The following EP300 variants were observed in gnomAD, a reference collection of about 807,000 sequenced individuals.
EP300 encodes histone acetyltransferase p300.
In EP300, 31 loss-of-function variants were observed where a neutral mutation model predicts 264.0. That is an observed-to-expected ratio of 0.12 (90% CI 0.09 to 0.16). The LOEUF is 0.16. Among genes scored for constraint, EP300 ranks in the 10% least tolerant of loss-of-function variants. The pLI is 1.00. For missense variants in EP300, 2,766 were observed against 3,052.9 expected, an observed-to-expected ratio of 0.91 and a Z score of 2.21; for synonymous variants, 1,340 against 1,045.4, an observed-to-expected ratio of 1.28 and a Z score of -5.44.
intron 1 of EP300, among the ~76,000 whole-genome samples, chr22:41,113,608 G>T (rs137892810): frequency 6.6e-6 from 1 of 152,018 alleles, no homozygotes; most frequent in Non-Finnish European, 1.5e-5. Context: ...GTGAAGTGGC[G>T]TGATCTCGGC....
At chr22:41,160,449 C>CA in intron 19 of EP300, 193 bp from the exon 20 acceptor site, 1 of 397,596 alleles carries the variant, frequency 2.5e-6, no homozygotes, top group South Asian at 3.9e-5. Context: ...AACAAAAAAA[C>CA]AAACAAAAAA....
chr22:41,112,357 T>A (rs2058797048), intron 1 of EP300, among the ~76,000 whole-genome samples: 1 of 151,966 alleles, frequency 6.6e-6, no homozygotes, highest in South Asian at 2.1e-4. Context: ...ACCCAGCTAA[T>A]TTTTTGTTTT....
intron 11 of EP300, among the ~76,000 whole-genome samples, chr22:41,147,371 T>C (rs1166768816): frequency 6.6e-6 from 1 of 151,416 alleles, no homozygotes; most frequent in Non-Finnish European, 1.5e-5. Flanking sequence ...TAGTTGATAA[T>C]GTCTGTTTAC....
At chr22:41,104,279 A>T (rs1199957374) in intron 1 of EP300, among the ~76,000 whole-genome samples, 1 of 151,540 alleles carries the variant, frequency 6.6e-6, no homozygotes, top group Admixed American at 6.6e-5. Flanking sequence ...TAGTGTCTTC[A>T]TCATGTAGTT....
chr22:41,096,347 C>T (rs1390358636), intron 1 of EP300, among the ~76,000 whole-genome samples: 1 of 152,156 alleles, frequency 6.6e-6, no homozygotes, highest in Admixed American at 6.6e-5. Context: ...TTTGTCACTG[C>T]TTGGTAAACG....
At chr22:41,095,848 GAAAGA>G (rs1014734255) in intron 1 of EP300, among the ~76,000 whole-genome samples, 10 of 151,920 alleles carry the variant, frequency 6.6e-5, no homozygotes, top group African/African-American at 2.2e-4. Flanking sequence ...AGCTTTAAAG[GAAAGA>G]AAACTGGAAT....
intron 5 of EP300, 78 bp from the exon 6 acceptor site, chr22:41,131,310 G>A (rs2058917781): frequency 1.4e-6 from 2 of 1,454,666 alleles, no homozygotes; most frequent in African/African-American, 1.4e-5. Context: ...TAATTTTGTG[G>A]GGTTTTTTAT....
intron 1 of EP300, among the ~76,000 whole-genome samples, chr22:41,104,307 T>TC (rs1160245073): frequency 6.6e-6 from 1 of 152,152 alleles, no homozygotes; most frequent in Non-Finnish European, 1.5e-5. Flanking sequence ...TTTTTTTTTT[T>TC]CATACAGAGT....
chr22:41,150,266 C>T (rs1224972488), intron 14 of EP300, 68 bp downstream of exon 14: 1 of 1,480,308 alleles, frequency 6.8e-7, no homozygotes, highest in African/African-American at 1.4e-5. Flanking sequence ...ACTTCTGGGC[C>T]ATTTCCATTC....
At chr22:41,107,458 A>G (rs929552966) in intron 1 of EP300, among the ~76,000 whole-genome samples, 25 of 151,904 alleles carry the variant, frequency 1.6e-4, no homozygotes, top group Admixed American at 9.8e-4. Context: ...AGAGATACTA[A>G]TATAGTAGAA....
rs769372729 is a variant in EP300, at chr22:41,177,930, C to T, written c.6219C>T (p.Ile2073=). 3.7e-6 allele frequency: 6 copies of T among 1,614,046 alleles called. No individual in the cohort carries two copies. In the African/African-American group the frequency reaches 5.3e-5, roughly 14 times the overall value. Residue 2073 remains isoleucine, a synonymous_variant, in exon 31 of 31, where the codon ATC becomes ATT. Coordinates refer to ENST00000263253, the MANE Select transcript of EP300 (RefSeq NM_001429.4). The part of the protein sequence containing the change: ...SPLQQQQVLS[I]LHANPQLLAA... Reference sequence around the variant, plus strand: ...TGCAGCAGCAACAGGTGCTTAGTATCCTTCACGCCAACCCCCAGCTGTTGG... The same window carrying T: ...TGCAGCAGCAACAGGTGCTTAGTATTCTTCACGCCAACCCCCAGCTGTTGG...
chr22:41,145,987 G>A (rs768230653), intron 10 of EP300, among the ~76,000 whole-genome samples: 18 of 152,026 alleles, frequency 1.2e-4, no homozygotes, highest in Non-Finnish European at 2.1e-4. Flanking sequence ...GGTATAATAT[G>A]CATATTATTT....
rs747155745 is a variant in EP300, at chr22:41,178,830, T to G, written c.7119T>G (p.Leu2373=). ...HFASPDQNSM[L]SQLASNPGMA... is the part of the protein sequence containing the mutation. The stretch of plus-strand genomic sequence containing the variant: ...CCAGCCCGGACCAGAATTCAATGCT[T>G]TCTCAGCTTGCTAGCAATCCAGGCA... The change falls in exon 31 of 31, where the codon CTT becomes CTG. Residue 2373 remains leucine, a synonymous_variant. Coordinates refer to ENST00000263253, the MANE Select transcript of EP300 (RefSeq NM_001429.4). 6.2e-7 allele frequency: 1 copy of G among 1,614,042 alleles called. No individual in the cohort carries two copies. The highest frequency in any genetic ancestry group is 2.2e-5 in the East Asian group (1 of 44,894).
chr22:41,137,289 A>G (rs1174869323), intron 7 of EP300, among the ~76,000 whole-genome samples: 1 of 148,938 alleles, frequency 6.7e-6, no homozygotes, highest in African/African-American at 2.5e-5. Flanking sequence ...CCCAGAAGGC[A>G]GAGATTGCAG....
chr22:41,179,801 G>A lies in EP300; in HGVS notation c.*845G>A. The A allele has an allele frequency of 4.3e-6, 1 of 229,970 alleles. No homozygotes were observed. Among genetic ancestry groups the A allele is most frequent in the Non-Finnish European group, 8.6e-6 (1 of 116,078 alleles). The allele number at this position is 229,970 out of a possible 1,614,324, so 14.2% of individuals were successfully genotyped here. ...AAAAAGAGGGTAAGAAACGATTCCG[G>A]TGGGATGATTTTAACATGCAAAATG... On this transcript the variant is annotated 3_prime_UTR_variant, in exon 31 of 31. Transcript: ENST00000263253.
chr22:41,145,708 C>T (rs1238016493), intron 10 of EP300, among the ~76,000 whole-genome samples: 1 of 152,202 alleles, frequency 6.6e-6, no homozygotes, highest in Non-Finnish European at 1.5e-5. Flanking sequence ...ACTGCAAGCT[C>T]CACCTCCCGG....
At chr22:41,118,793 A>AG (rs1266351042) in intron 2 of EP300, among the ~76,000 whole-genome samples, 1 of 94,894 alleles carries the variant, frequency 1.1e-5, no homozygotes, top group Non-Finnish European at 2.3e-5. Context: ...CTTCTATTTA[A>AG]GGGGAAAAAA....
At chr22:41,139,384 T>C (rs1259032619) in intron 8 of EP300, among the ~76,000 whole-genome samples, 1 of 152,260 alleles carries the variant, frequency 6.6e-6, no homozygotes, top group Non-Finnish European at 1.5e-5. Flanking sequence ...CAGGAACTTT[T>C]ATTTAATGGA....
chr22:41,146,819 A>G lies in EP300; in HGVS notation c.2131+3A>G. 1 of 1,613,416 alleles carries G rather than the reference A, an allele frequency of 6.2e-7. No individual in the cohort carries two copies. Among genetic ancestry groups the G allele is most frequent in the Non-Finnish European group, 8.5e-7 (1 of 1,179,522 alleles). ...GCCTCGAATAACTCCACAATCTGGT[A>G]AATAGTGAAAAAAATTTTTTTATTT... On this transcript the variant is annotated splice_donor_region_variant and intron_variant, in intron 11 of 30. Coordinates refer to ENST00000263253, the MANE Select transcript of EP300 (RefSeq NM_001429.4).
Sources: allele counts gnomAD v4.1 joint callset (sites outside exome capture counted in the v4.1 genomes callset), GRCh38; gene constraint gnomAD v4.1.1; transcripts MANE v1.5; gene names NCBI Gene and HGNC (gene_info 2026-07-23, HGNC 2026-07-21).